CAPZA1: variants seen among roughly 807,000 people sequenced by gnomAD.
CAPZA1 encodes F-actin-capping protein subunit alpha-1.
CAPZA1 carries 10 observed loss-of-function variants against 40.8 expected under a neutral mutation model. The ratio of observed to expected loss-of-function variants is 0.25; its 90% CI spans 0.15 to 0.42. The LOEUF (loss-of-function observed/expected upper bound fraction) is 0.42. CAPZA1 is among the 10% of genes least tolerant of loss of function. The pLI, the probability that CAPZA1 is intolerant of heterozygous loss-of-function variation, is 1.00. For synonymous variants in CAPZA1, 98 were observed against 115.0 expected (o/e 0.85, Z 0.95); for missense variants, 277 against 353.8 (o/e 0.78, Z 1.74).
At position 112,665,622 on chromosome 1, in the gene CAPZA1, T is replaced by G. The variant is rs149866306; in HGVS notation, c.586-1452T>G. On this transcript the variant is annotated intron_variant, in intron 7 of 9. Transcript: ENST00000263168. Reference sequence around the variant, plus strand: ...AGATTCAGTGACTGGTGAGTTCTGTTTCTCATAGGTGACACCTTCTGCATT... The same window carrying G: ...AGATTCAGTGACTGGTGAGTTCTGTGTCTCATAGGTGACACCTTCTGCATT... 3.5e-3 allele frequency among the ~76,000 whole-genome samples: 536 copies of G among 152,266 alleles called. 2 individuals carry two copies. The highest frequency in any genetic ancestry group is 0.012 in the African/African-American group (511 of 41,572).
At chr1:112,667,503 G>GT (rs1173068525) in intron 8 of CAPZA1, among the ~76,000 whole-genome samples, 2 of 152,170 alleles carry the variant, frequency 1.3e-5, no homozygotes, top group Non-Finnish European at 2.9e-5. Context: ...ATTTTTAGGA[G>GT]TATTCAATTA....
intron 6 of CAPZA1, 86 bp from the exon 7 acceptor site, chr1:112,659,615 T>C (rs1671563916): frequency 4.9e-6 from 5 of 1,012,990 alleles, no homozygotes; most frequent in Non-Finnish European, 7.5e-6. Context: ...TGCACCCCTC[T>C]TTCCCAACTT....
chr1:112,647,585 C>T (rs1247662318), intron 2 of CAPZA1, among the ~76,000 whole-genome samples: 2 of 152,158 alleles, frequency 1.3e-5, no homozygotes, highest in South Asian at 2.1e-4. Context: ...TTATTTTTAT[C>T]GTTATAGATC....
chr1:112,661,995 A>G (rs1671621664), intron 7 of CAPZA1, among the ~76,000 whole-genome samples: 1 of 152,232 alleles, frequency 6.6e-6, no homozygotes, highest in Non-Finnish European at 1.5e-5. Flanking sequence ...GAAGGCAACA[A>G]TTTCTGAGGA....
At chr1:112,639,445 G>A (rs1228135088) in intron 1 of CAPZA1, among the ~76,000 whole-genome samples, 1 of 152,108 alleles carries the variant, frequency 6.6e-6, no homozygotes, top group Non-Finnish European at 1.5e-5. Flanking sequence ...CTTAGAAAAT[G>A]GAAGTGAGCT....
In CAPZA1 at chr1:112,627,628, C is replaced by A. The variant is rs1670837839; in HGVS notation, c.39+7745C>A. On this transcript the variant is annotated intron_variant, in intron 1 of 9. Coordinates refer to ENST00000263168, the MANE Select transcript of CAPZA1 (RefSeq NM_006135.3). ...GCCTGGCCTGGCCGACAGTGCGAGA[C>A]TCTGTCTCAAAAAAAAAAAAAAAAA... Among the ~76,000 whole-genome samples, 3 of 95,106 alleles carry A rather than the reference C, an allele frequency of 3.2e-5. No homozygotes were observed. In the South Asian group the frequency reaches 1.1e-3, roughly 34 times the overall value. The allele number at this position is 95,106 out of a possible 152,430, so 62.4% of individuals were successfully genotyped here.
chr1:112,619,860 G>A lies in CAPZA1; in HGVS notation c.16G>A (p.Asp6Asn). Residue 6 changes from aspartate (D) to asparagine (N), a missense_variant, in exon 1 of 10, where the codon GAT (aspartate) becomes AAT (asparagine). Physicochemically the swap from Asp to Asn is conservative, Grantham distance 23. This residue lies in a region of CAPZA1 where 85 missense variants were observed against 76.5 expected (regional missense o/e 1.11). Coordinates refer to ENST00000263168, the MANE Select transcript of CAPZA1 (RefSeq NM_006135.3). Reference sequence around the variant, plus strand: ...ACAGCCCAAGATGGCCGACTTCGATGATCGTGTGTCGGATGAGGAGAAGGT... The same window carrying A: ...ACAGCCCAAGATGGCCGACTTCGATAATCGTGTGTCGGATGAGGAGAAGGT... MADFD[D>N]RVSDEEKVRI... 3 of 1,613,084 alleles carry A rather than the reference G, an allele frequency of 1.9e-6. No individual in the cohort carries two copies. The highest frequency in any genetic ancestry group is 2.5e-6 in the Non-Finnish European group (3 of 1,179,610).
intron 1 of CAPZA1, 110 bp downstream of exon 1, chr1:112,619,993 C>G (rs1324222468): frequency 1.2e-6 from 1 of 862,088 alleles, no homozygotes; most frequent in African/African-American, 1.7e-5. Flanking sequence ...GCTTCTTGGT[C>G]CATGCTGACA....
chr1:112,654,725 T>C, intron 5 of CAPZA1, 54 bp downstream of exon 5: 2 of 1,238,814 alleles, frequency 1.6e-6, no homozygotes, highest in Non-Finnish European at 2.3e-6. Flanking sequence ...ATTTACCTTA[T>C]CCTTTGGAGG....
At chr1:112,639,830 T>C (rs1241775387) in intron 1 of CAPZA1, among the ~76,000 whole-genome samples, 1 of 134,910 alleles carries the variant, frequency 7.4e-6, no homozygotes. Context: ...GAGGAGCCCC[T>C]CTGCCCGGCC....
intron 3 of CAPZA1, among the ~76,000 whole-genome samples, chr1:112,650,557 T>C (rs1007436507): frequency 1.3e-5 from 2 of 152,222 alleles, no homozygotes; most frequent in African/African-American, 4.8e-5. Flanking sequence ...ACTGAAAGAA[T>C]CTCATCAACA....
At chr1:112,652,575 A>G (rs1298221545) in intron 3 of CAPZA1, among the ~76,000 whole-genome samples, 1 of 151,978 alleles carries the variant, frequency 6.6e-6, no homozygotes, top group Non-Finnish European at 1.5e-5. Context: ...ACTGCTTAAA[A>G]CTAGTGGTCT....
At chr1:112,631,510 GA>G (rs1269730383) in intron 1 of CAPZA1, among the ~76,000 whole-genome samples, 11 of 149,712 alleles carry the variant, frequency 7.3e-5, no homozygotes, top group Non-Finnish European at 1.2e-4. Flanking sequence ...TGATTTTGAG[GA>G]AAAAAAAAAT....
At chr1:112,656,898 G>GA (rs1486311226) in intron 5 of CAPZA1, among the ~76,000 whole-genome samples, 1 of 150,046 alleles carries the variant, frequency 6.7e-6, no homozygotes, top group African/African-American at 2.5e-5. Context: ...GAAACTGACA[G>GA]AAATTTTTTT....
At chr1:112,624,998 A>G (rs1454572907) in intron 1 of CAPZA1, among the ~76,000 whole-genome samples, 1 of 152,240 alleles carries the variant, frequency 6.6e-6, no homozygotes, top group Non-Finnish European at 1.5e-5. Context: ...CACACAGTGT[A>G]TGCACAGCCT....
intron 6 of CAPZA1, chr1:112,659,311 T>C: frequency 1.8e-6 from 1 of 564,182 alleles, no homozygotes; most frequent in Non-Finnish European, 3.1e-6. Context: ...GAACAAGTGA[T>C]TAGTAAAGTG....
At chr1:112,627,804 T>C (rs564368131) in intron 1 of CAPZA1, among the ~76,000 whole-genome samples, 97 of 151,814 alleles carry the variant, frequency 6.4e-4, no homozygotes, top group African/African-American at 1.7e-3. Context: ...CTACTAAAAA[T>C]ACAAAATTAG....
chr1:112,630,424 A>G (rs1670898159), intron 1 of CAPZA1, among the ~76,000 whole-genome samples: 2 of 151,952 alleles, frequency 1.3e-5, no homozygotes, highest in East Asian at 1.9e-4. Context: ...GCTCACTGCA[A>G]CCTCCGTCCC....
At position 112,660,140 on chromosome 1, in the gene CAPZA1, G is replaced by A. The variant is rs141859586; in HGVS notation, c.585+361G>A. On this transcript the variant is annotated intron_variant, in intron 7 of 9. Coordinates refer to ENST00000263168, the MANE Select transcript of CAPZA1 (RefSeq NM_006135.3). Reference sequence around the variant, plus strand: ...ATCACCCAGACTGGAGTGCAGTGACGTGATCTCAGCTAACTGCAACCTCCA... The same window carrying A: ...ATCACCCAGACTGGAGTGCAGTGACATGATCTCAGCTAACTGCAACCTCCA... 3.1e-4 allele frequency among the ~76,000 whole-genome samples: 47 copies of A among 151,978 alleles called. No individual in the cohort carries two copies. The East Asian group carries it at 7.4e-3, about 24-fold the overall frequency.
Sources: allele counts gnomAD v4.1 joint callset (sites outside exome capture counted in the v4.1 genomes callset), GRCh38; gene constraint gnomAD v4.1.1; regional missense constraint gnomAD v4.1.1; transcripts MANE v1.5; gene names NCBI Gene and HGNC (gene_info 2026-07-23, HGNC 2026-07-21).